The following BFSP1 variants were observed in gnomAD, a reference collection of about 807,000 sequenced individuals.
BFSP1 encodes the protein beaded filament structural protein 1.
BFSP1 carries 38 observed loss-of-function variants against 43.9 expected under a neutral mutation model. That is an observed-to-expected ratio of 0.87 (90% CI 0.67 to 1.14). The LOEUF (loss-of-function observed/expected upper bound fraction) is 1.14, where lower values mean the gene tolerates loss of function less well. Among genes scored for constraint, BFSP1 ranks in the 50% most tolerant of loss-of-function variants. The probability of loss-of-function intolerance (pLI) is 0.00; values close to 1 mark genes in which losing one functional copy is unlikely to be tolerated. For synonymous variants in BFSP1, 352 were observed against 354.8 expected (o/e 0.99, Z 0.09); for missense variants, 850 against 875.1 (o/e 0.97, Z 0.36).
chr20:17,540,171 C>T (rs1349336451), intron 1 of BFSP1, among the ~76,000 whole-genome samples: 2 of 152,148 alleles, frequency 1.3e-5, no homozygotes, highest in African/African-American at 4.8e-5. Flanking sequence ...TTCCAACCAT[C>T]TGACTTGTTA....
chr20:17,528,516 C>T (rs1327288083), intron 1 of BFSP1, among the ~76,000 whole-genome samples: 1 of 152,208 alleles, frequency 6.6e-6, no homozygotes, highest in Admixed American at 6.5e-5. Flanking sequence ...CTTTGGAGAA[C>T]ATGAGCTTCA....
rs2034831172 is a variant in BFSP1, at chr20:17,547,900, T to TTG, written c.2+10787_2+10788insCA. ...CTTATGCCACCATGCCCGGCCAATT[T>TTG]TTTTTTTTTTTTTTTTTTTGTATTT... On this transcript the variant is annotated intron_variant, in intron 1 of 7. Transcript: ENST00000377868. Among the ~76,000 whole-genome samples, 13 of 114,726 alleles carry TTG rather than the reference T, an allele frequency of 1.1e-4. No individual in the cohort carries two copies. The South Asian group carries it at 3.7e-3, about 33-fold the overall frequency. 75.3% of individuals were successfully genotyped at this position (114,726 alleles called of 152,430 possible).
chr20:17,512,312 G>A (rs775200098), intron 3 of BFSP1, among the ~76,000 whole-genome samples: 14 of 152,148 alleles, frequency 9.2e-5, no homozygotes, highest in Non-Finnish European at 1.5e-4. Context: ...GAACAACGGG[G>A]CCGATGAATA....
Position 17,507,300 on chromosome 20 carries a change from T to C in BFSP1, c.735+1589A>G, listed in dbSNP as rs2033961815. On this transcript the variant is annotated intron_variant, in intron 5 of 7. Transcript: ENST00000377873. The surrounding 1 kb of genome is among the most constrained non-coding windows in gnomAD (Gnocchi z 4.4). ...GTGTGTGTGTGTGTGTGTGTGTGTG[T>C]GTGTGTATTTCAACATATCCATATG... 6.6e-6 allele frequency among the ~76,000 whole-genome samples: 1 copy of C among 151,484 alleles called. No individual in the cohort carries two copies. Among genetic ancestry groups the C allele is most frequent in the African/African-American group, 2.4e-5 (1 of 40,930 alleles).
At chr20:17,524,450 G>A (rs771056185) in intron 2 of BFSP1, among the ~76,000 whole-genome samples, 8 of 152,142 alleles carry the variant, frequency 5.3e-5, no homozygotes, top group African/African-American at 1.4e-4. Flanking sequence ...CTGTGGAGCC[G>A]CAATCTCAAA....
chr20:17,512,094 A>C, intron 3 of BFSP1, 26 bp from the exon 4 acceptor site: 2 of 1,557,362 alleles, frequency 1.3e-6, no homozygotes, highest in Non-Finnish European at 1.8e-6. Flanking sequence ...AAACATTCTC[A>C]TTATAAGTTG....
chr20:17,541,670 A>G (rs1351273471), intron 1 of BFSP1, among the ~76,000 whole-genome samples: 2 of 152,238 alleles, frequency 1.3e-5, no homozygotes, highest in Non-Finnish European at 1.5e-5. Flanking sequence ...GCTAATGAAG[A>G]CACTTCCCAG....
At chr20:17,508,853 G>A in intron 5 of BFSP1, 36 bp downstream of exon 5, 1 of 1,501,114 alleles carries the variant, frequency 6.7e-7, no homozygotes, top group Non-Finnish European at 8.9e-7. Context: ...AAACATGTGG[G>A]AAGCCCCAAT....
chr20:17,499,401 G>A (rs2033738434), intron 5 of BFSP1, among the ~76,000 whole-genome samples: 1 of 147,354 alleles, frequency 6.8e-6, no homozygotes, highest in East Asian at 2.0e-4. Flanking sequence ...CAACATGCTG[G>A]GCTTTTTTTT....
intron 1 of BFSP1, among the ~76,000 whole-genome samples, chr20:17,529,090 T>TGTGTGTGTGTGTGAGA (rs577672397): frequency 3.2e-4 from 49 of 151,614 alleles, no homozygotes; most frequent in African/African-American, 1.2e-3. Context: ...TGTGTGTGTG[T>TGTGTGTGTGTGTGAGA]GAGACAGAGT....
At chr20:17,502,299 C>T (rs908352909) in intron 5 of BFSP1, among the ~76,000 whole-genome samples, 4 of 152,172 alleles carry the variant, frequency 2.6e-5, no homozygotes, top group Non-Finnish European at 5.9e-5. Flanking sequence ...CAGGACACAG[C>T]GTCACTCCAT....
intron 5 of BFSP1, among the ~76,000 whole-genome samples, chr20:17,502,281 G>A (rs552520955): frequency 2.0e-5 from 3 of 152,248 alleles, no homozygotes; most frequent in East Asian, 1.9e-4. Context: ...GCCACATAAC[G>A]AAATACTCAG....
At chr20:17,504,965 C>T (rs1224895540) in intron 5 of BFSP1, among the ~76,000 whole-genome samples, 1 of 150,000 alleles carries the variant, frequency 6.7e-6, no homozygotes, top group Non-Finnish European at 1.5e-5. Flanking sequence ...AAAGGAAACT[C>T]ATTACATACT....
chr20:17,540,170 T>C (rs1206219448), intron 1 of BFSP1, among the ~76,000 whole-genome samples: 2 of 152,160 alleles, frequency 1.3e-5, no homozygotes, highest in South Asian at 2.1e-4. Context: ...ATTCCAACCA[T>C]CTGACTTGTT....
chr20:17,554,158 T>A lies in BFSP1; in HGVS notation c.2+4530A>T, dbSNP rs1288552468. ...GAAAATATAAAAATTAGTTTAAGGC[T>A]GACTTTGTTAGATTTATGTTTAAGA... On this transcript the variant is annotated intron_variant, in intron 1 of 7. Coordinates refer to the BFSP1 transcript ENST00000377868. Among the ~76,000 whole-genome samples the A allele has an allele frequency of 3.3e-5, 5 of 152,106 alleles. 1 individual carries two copies. The highest frequency in any genetic ancestry group is 7.4e-5 in the Non-Finnish European group (5 of 68,026).
At chr20:17,564,211 C>G (rs1046326136) in intron 1 of BFSP1, among the ~76,000 whole-genome samples, 3 of 151,696 alleles carry the variant, frequency 2.0e-5, no homozygotes, top group Non-Finnish European at 4.4e-5. Flanking sequence ...GACACACACA[C>G]AAATTAGCTG....
chr20:17,548,378 T>C (rs1043473951), intron 1 of BFSP1, among the ~76,000 whole-genome samples: 1 of 152,204 alleles, frequency 6.6e-6, no homozygotes, highest in African/African-American at 2.4e-5. Context: ...TTACCAATAA[T>C]AATTATTTGC....
upstream of BFSP1, among the ~76,000 whole-genome samples, chr20:17,561,443 G>C (rs548603338): frequency 2.0e-5 from 3 of 151,684 alleles, no homozygotes; most frequent in Non-Finnish European, 2.9e-5. Context: ...AGGTTGCAGC[G>C]AGCCCAGATC....
chr20:17,507,508 G>C lies in BFSP1; in HGVS notation c.735+1381C>G, dbSNP rs2033967440. On this transcript the variant is annotated intron_variant, in intron 5 of 7. Coordinates refer to ENST00000377873, the MANE Select transcript of BFSP1 (RefSeq NM_001195.5). The surrounding 1 kb of genome is among the most constrained non-coding windows in gnomAD (Gnocchi z 4.4). ...TGTCACTAGCCATTTGGAAAACACT[G>C]GTCTCTAGGACCACGACTGGGCTTG... Among the ~76,000 whole-genome samples, 1 of 151,846 alleles carries C rather than the reference G, an allele frequency of 6.6e-6. No homozygotes were observed. Among genetic ancestry groups the C allele is most frequent in the Non-Finnish European group, 1.5e-5 (1 of 67,970 alleles).
Sources: gnomAD v4.1 joint callset for allele counts (sites outside exome capture counted in the v4.1 genomes callset) on GRCh38, gnomAD v4.1.1 for gene constraint, Gnocchi (gnomAD v3.1) non-coding constraint, MANE v1.5 for transcripts, NCBI Gene and HGNC (gene_info 2026-07-23, HGNC 2026-07-21) for gene names.